Variants in MYH15 observed in about 807,000 individuals in gnomAD.
MYH15 encodes myosin-15.
In MYH15, 227 loss-of-function variants were observed where a neutral mutation model predicts 240.5. The ratio of observed to expected loss-of-function variants is 0.94; its 90% CI spans 0.85 to 1.05. MYH15 has a LOEUF of 1.05. MYH15 is among the 50% of genes least tolerant of loss of function. The pLI is 0.00. For missense variants in MYH15, 2,217 were observed against 2,247.5 expected (o/e 0.99, Z 0.27); for synonymous variants, 785 against 796.7 (o/e 0.99, Z 0.25).
chr3:108,398,504 G>A, intron 35 of MYH15, 133 bp downstream of exon 35: 2 of 749,720 alleles, frequency 2.7e-6, no homozygotes, highest in Non-Finnish European at 4.5e-6. Flanking sequence ...TGAAGAGTAT[G>A]AACATGCCTT....
intron 30 of MYH15, among the ~76,000 whole-genome samples, chr3:108,414,003 G>A (rs1288455072): frequency 6.6e-5 from 10 of 152,040 alleles, no homozygotes; most frequent in African/African-American, 9.7e-5. Flanking sequence ...CTCTCCCCAG[G>A]ACCTCTTTAT....
chr3:108,541,174 T>A, the MYH15 span, among the ~76,000 whole-genome samples: 272 of 152,052 alleles, frequency 1.8e-3, 1 homozygote, highest in Non-Finnish European at 2.2e-3. Flanking sequence ...GTCAACACTA[T>A]TTTTTAACTA....
chr3:108,510,592 A>G lies in MYH15; in HGVS notation c.-62T>C, dbSNP rs200227200. On this transcript the variant is annotated 5_prime_UTR_variant, in exon 1 of 41. Coordinates refer to ENST00000693548, the MANE Select transcript of MYH15 (RefSeq NM_014981.3). ...CGTGAGTAGGCAAGATTCAACCTGA[A>G]AAAAAAAAATTGATACAGAGAAGAA... 1 of 1,575,590 alleles carries G rather than the reference A, an allele frequency of 6.3e-7. No homozygotes were observed. The highest frequency in any genetic ancestry group is 8.6e-7 in the Non-Finnish European group (1 of 1,161,148).
chr3:108,539,600 A>G, the MYH15 span, among the ~76,000 whole-genome samples: 1 of 152,222 alleles, frequency 6.6e-6, no homozygotes, highest in Non-Finnish European at 1.5e-5. Context: ...AGTCAATTAC[A>G]TAAAATAGGA....
chr3:108,531,962 AAAC>A (rs1559679531), upstream of MYH15, among the ~76,000 whole-genome samples: 2 of 152,164 alleles, frequency 1.3e-5, no homozygotes, highest in South Asian at 2.1e-4. Flanking sequence ...AAAAACTGAA[AAAC>A]AACTGTCAGA....
chr3:108,474,376 T>A (rs1282398975), intron 12 of MYH15, among the ~76,000 whole-genome samples: 1 of 151,886 alleles, frequency 6.6e-6, no homozygotes, highest in Non-Finnish European at 1.5e-5. Flanking sequence ...GTCCTTACTA[T>A]AATATTGTGT....
At chr3:108,466,990 C>G (rs2083124328) in intron 14 of MYH15, among the ~76,000 whole-genome samples, 1 of 152,092 alleles carries the variant, frequency 6.6e-6, no homozygotes, top group African/African-American at 2.4e-5. Context: ...ATAAAAGCCT[C>G]TGTTTTAAGG....
chr3:108,398,461 C>T (rs769961633), intron 35 of MYH15, among the ~76,000 whole-genome samples, 176 bp downstream of exon 35: 4 of 151,890 alleles, frequency 2.6e-5, no homozygotes, highest in Non-Finnish European at 4.4e-5. Context: ...TTTGTTATGG[C>T]GGCCTGAGGG....
intron 24 of MYH15, 49 bp from the exon 25 acceptor site, chr3:108,437,748 C>G (rs372172243): frequency 1.3e-6 from 2 of 1,574,690 alleles, no homozygotes; most frequent in Non-Finnish European, 1.7e-6. Flanking sequence ...AGAGTTTATA[C>G]TTCACTAGAT....
chr3:108,446,119 C>T (rs899112906), intron 21 of MYH15, among the ~76,000 whole-genome samples: 1 of 152,078 alleles, frequency 6.6e-6, no homozygotes, highest in African/African-American at 2.4e-5. Context: ...GTCCAGTCCC[C>T]ACAGACCCAG....
chr3:108,403,496 C>CT (rs34668097), intron 33 of MYH15, among the ~76,000 whole-genome samples: 33,377 of 133,204 alleles, frequency 0.25, 4,433 homozygotes, highest in Non-Finnish European at 0.31. Flanking sequence ...TTGTGTTTGG[C>CT]TTTTTTTTTT....
chr3:108,502,743 GT>G (rs2083447802), intron 2 of MYH15, among the ~76,000 whole-genome samples: 1 of 151,724 alleles, frequency 6.6e-6, no homozygotes, highest in African/African-American at 2.4e-5. Flanking sequence ...ATCCCAGTTG[GT>G]GATGGCTTCT....
intron 30 of MYH15, among the ~76,000 whole-genome samples, chr3:108,412,488 C>T (rs894644238): frequency 1.1e-4 from 16 of 152,158 alleles, no homozygotes; most frequent in South Asian, 2.1e-4. Context: ...TCTTTATTAG[C>T]AGTGTGAGAA....
intron 36 of MYH15, among the ~76,000 whole-genome samples, chr3:108,393,384 C>G (rs190549194): frequency 6.6e-6 from 1 of 152,186 alleles, no homozygotes; most frequent in African/African-American, 2.4e-5. Flanking sequence ...TGGTACCTTC[C>G]GCTAACCATG....
chr3:108,437,594 G>T lies in MYH15; in HGVS notation c.3181C>A (p.Leu1061Met). 3 of 1,613,920 alleles carry T rather than the reference G, an allele frequency of 1.9e-6. No homozygotes were observed. The highest frequency in any genetic ancestry group is 1.7e-6 in the Non-Finnish European group (2 of 1,179,936). ...GCCAGGTGTCGCTGGCTGCTTTCCA[G>T]GTTCTCCATACTTTCCCGATTCAGC... ...LKLNRESMEN[L>M]ESSQRHLAEE... Residue 1061 changes from leucine to methionine, a missense_variant, in exon 25 of 41, where the codon CTG becomes ATG. Physicochemically the swap from Leu to Met is conservative, Grantham distance 15 (BLOSUM62 2). Transcript: ENST00000693548.
At chr3:108,490,417 T>A (rs934565292) in intron 9 of MYH15, among the ~76,000 whole-genome samples, 2 of 152,208 alleles carry the variant, frequency 1.3e-5, no homozygotes, top group African/African-American at 4.8e-5. Flanking sequence ...GTGGGAGCAT[T>A]GTTGTCCTCA....
intron 25 of MYH15, among the ~76,000 whole-genome samples, chr3:108,435,102 T>A (rs2082820248): frequency 1.3e-5 from 2 of 152,220 alleles, no homozygotes; most frequent in South Asian, 2.1e-4. Flanking sequence ...ATTCTTGACA[T>A]TTTTTATATT....
chr3:108,454,487 G>A (rs1362118273), intron 20 of MYH15, among the ~76,000 whole-genome samples: 1 of 152,154 alleles, frequency 6.6e-6, no homozygotes, highest in Non-Finnish European at 1.5e-5. Flanking sequence ...GTAGGGTTCT[G>A]CAAACATTTT....
At chr3:108,463,001 A>G in intron 16 of MYH15, 110 bp downstream of exon 16, 1 of 1,286,022 alleles carries the variant, frequency 7.8e-7, no homozygotes, top group South Asian at 1.5e-5. Context: ...GACTCAGACC[A>G]CAGGGAGCAG....
Sources: allele counts gnomAD v4.1 joint callset (sites outside exome capture counted in the v4.1 genomes callset), GRCh38; gene constraint gnomAD v4.1.1; transcripts MANE v1.5; gene names NCBI Gene and HGNC (gene_info 2026-07-23, HGNC 2026-07-21).